ACVR1: variants seen among roughly 807,000 people sequenced by gnomAD.
ACVR1 encodes the protein activin A receptor type 1.
Under a neutral mutation model 57.1 loss-of-function variants are expected in ACVR1, and 38 were observed. The observed-to-expected ratio is 0.67, with a 90% CI of 0.51 to 0.87. The LOEUF is 0.87. ACVR1 is among the 40% of genes least tolerant of loss of function. The pLI is 0.00. For missense variants in ACVR1, 463 were observed against 638.2 expected (o/e 0.73, Z 2.96); for synonymous variants, 212 against 228.1 (o/e 0.93, Z 0.63).
At chr2:157,750,747 A>G (rs1685155588) in intron 9 of ACVR1, among the ~76,000 whole-genome samples, 1 of 152,194 alleles carries the variant, frequency 6.6e-6, no homozygotes, top group African/African-American at 2.4e-5. Context: ...ACAGATTCCA[A>G]TGAAGAAAAA....
intron 1 of ACVR1, among the ~76,000 whole-genome samples, chr2:157,830,090 G>A (rs977199832): frequency 3.9e-5 from 6 of 152,104 alleles, no homozygotes; most frequent in Admixed American, 6.5e-5. Context: ...GTGGTAGCAG[G>A]CTCCTGTAAT....
intron 2 of ACVR1, among the ~76,000 whole-genome samples, chr2:157,806,335 TATC>T (rs1286847615): frequency 4.6e-5 from 7 of 152,084 alleles, no homozygotes; most frequent in African/African-American, 7.2e-5. Context: ...AAGATGTTGA[TATC>T]ATAGAAAAAA....
intron 1 of ACVR1, among the ~76,000 whole-genome samples, chr2:157,854,296 A>G (rs1417323513): frequency 6.6e-6 from 1 of 152,028 alleles, no homozygotes; most frequent in Admixed American, 6.5e-5. Context: ...CTTGATTTGC[A>G]CAAAGACTTG....
chr2:157,803,591 A>T (rs1166469728), intron 2 of ACVR1, among the ~76,000 whole-genome samples: 5 of 152,236 alleles, frequency 3.3e-5, no homozygotes, highest in Non-Finnish European at 7.3e-5. Flanking sequence ...TATACTAAAA[A>T]GAAAATTGCA....
rs190483432 is a variant in ACVR1, at chr2:157,782,660, A to G, written c.68-2060T>C. ...CAAAGCAGGCTGAGGGCTGCCAACT[A>G]TGCTGCCCAACAGGTGATGATTCTT... is the stretch of plus-strand genomic sequence containing the variant. On this transcript the variant is annotated intron_variant, in intron 3 of 10. Coordinates refer to ENST00000434821, the MANE Select transcript of ACVR1 (RefSeq NM_001111067.4). Among the ~76,000 whole-genome samples the G allele has an allele frequency of 5.9e-5, 9 of 152,280 alleles. No homozygotes were observed. The East Asian group carries it at 1.7e-3, about 29-fold the overall frequency.
chr2:157,828,521 T>A (rs1688472042), intron 1 of ACVR1, among the ~76,000 whole-genome samples: 1 of 150,352 alleles, frequency 6.7e-6, no homozygotes, highest in Non-Finnish European at 1.5e-5. Flanking sequence ...CTCAGGAAGC[T>A]GAGGCAGGAG....
At chr2:157,763,728 C>T (rs1685751044) in intron 8 of ACVR1, among the ~76,000 whole-genome samples, 1 of 152,148 alleles carries the variant, frequency 6.6e-6, no homozygotes, top group Admixed American at 6.5e-5. Flanking sequence ...CAATATAATA[C>T]TGATCTTTTT....
At chr2:157,787,315 C>T (rs1283051590) in intron 3 of ACVR1, among the ~76,000 whole-genome samples, 4 of 152,086 alleles carry the variant, frequency 2.6e-5, no homozygotes, top group East Asian at 1.9e-4. Context: ...CTCCTTAATA[C>T]GGGAGAAAAT....
At chr2:157,750,925 G>A (rs1416152802) in intron 9 of ACVR1, among the ~76,000 whole-genome samples, 2 of 151,992 alleles carry the variant, frequency 1.3e-5, no homozygotes, top group Non-Finnish European at 2.9e-5. Context: ...AGAGGTTGGG[G>A]AAAAGATGGC....
intron 1 of ACVR1, among the ~76,000 whole-genome samples, chr2:157,858,072 C>T (rs1689595828): frequency 1.3e-5 from 2 of 152,132 alleles, no homozygotes; most frequent in South Asian, 2.1e-4. Context: ...CTAGTGGTCT[C>T]CTCCCTCTCA....
chr2:157,872,148 G>A (rs775233826), intron 1 of ACVR1, among the ~76,000 whole-genome samples: 32 of 152,286 alleles, frequency 2.1e-4, no homozygotes, highest in Middle Eastern at 6.8e-3. Flanking sequence ...TTTGTACCAG[G>A]AAACCCAATT....
chr2:157,782,974 G>C (rs919421508), intron 3 of ACVR1, among the ~76,000 whole-genome samples: 3 of 152,094 alleles, frequency 2.0e-5, no homozygotes, highest in African/African-American at 7.2e-5. Flanking sequence ...AAGTAGGAGA[G>C]AGCTGTTCAT....
At chr2:157,809,906 C>T (rs1687693193) in intron 2 of ACVR1, among the ~76,000 whole-genome samples, 1 of 152,016 alleles carries the variant, frequency 6.6e-6, no homozygotes, top group African/African-American at 2.4e-5. Flanking sequence ...GAGACCCCAT[C>T]TCTACAAAAA....
At chr2:157,803,806 G>A (rs771211650) in intron 2 of ACVR1, among the ~76,000 whole-genome samples, 19 of 151,948 alleles carry the variant, frequency 1.3e-4, no homozygotes, top group Admixed American at 1.3e-4. Flanking sequence ...ACTGAGAAGC[G>A]TGTGTATGTA....
Position 157,737,499 on chromosome 2 carries a change from G to A in ACVR1, c.*32C>T, listed in dbSNP as rs776697456. The A allele has an allele frequency of 2.2e-5, 35 of 1,612,914 alleles. No homozygotes were observed. The highest frequency in any genetic ancestry group is 2.6e-5 in the Non-Finnish European group (31 of 1,179,384). ...GTCCCAGCTGGACAATGACAACAACGTCAAATCTTCCTTCTTGACACTATG... is the reference window on the plus strand; with the variant it reads ...GTCCCAGCTGGACAATGACAACAACATCAAATCTTCCTTCTTGACACTATG... On this transcript the variant is annotated 3_prime_UTR_variant, in exon 11 of 11. Transcript: ENST00000434821.
At chr2:157,859,524 G>A (rs921481152) in intron 1 of ACVR1, among the ~76,000 whole-genome samples, 9 of 152,024 alleles carry the variant, frequency 5.9e-5, no homozygotes, top group South Asian at 2.1e-4. Context: ...TTTCTTGCGC[G>A]AGTCCAAGAA....
rs16842160 is a variant in ACVR1, at chr2:157,838,790, A to G, written c.-182-20231T>C. Among the ~76,000 whole-genome samples the G allele has an allele frequency of 8.4e-3, 1,277 of 152,238 alleles. 15 individuals are homozygous for G. The highest frequency in any genetic ancestry group is 0.028 in the African/African-American group (1,182 of 41,530). On this transcript the variant is annotated intron_variant, in intron 1 of 10. Transcript: ENST00000434821. ...GTATGTACATCTGGGGAGAACGCAC[A>G]ACCCCATTTCTACTTCATGTTTAAA...
intron 1 of ACVR1, among the ~76,000 whole-genome samples, chr2:157,842,520 G>A (rs1393346029): frequency 6.6e-6 from 1 of 152,104 alleles, no homozygotes; most frequent in Non-Finnish European, 1.5e-5. Flanking sequence ...AACTCCACAT[G>A]GAAGTTCTTT....
chr2:157,828,493 T>C (rs1005967032), intron 1 of ACVR1, among the ~76,000 whole-genome samples: 1 of 143,308 alleles, frequency 7.0e-6, no homozygotes, highest in Admixed American at 7.1e-5. Context: ...TAGCAGTGGG[T>C]CCCTGTAGTC....
Sources: allele counts gnomAD v4.1 joint callset (sites outside exome capture counted in the v4.1 genomes callset), GRCh38; gene constraint gnomAD v4.1.1; transcripts MANE v1.5; gene names NCBI Gene and HGNC (gene_info 2026-07-23, HGNC 2026-07-21).